FGF12: variants seen among roughly 807,000 people sequenced by gnomAD.
The protein encoded by FGF12 is fibroblast growth factor 12.
FGF12 carries 14 observed loss-of-function variants against 23.6 expected under a neutral mutation model. The ratio of observed to expected loss-of-function variants is 0.59; its 90% CI spans 0.39 to 0.93. FGF12 has a LOEUF of 0.93. Ranked by LOEUF, FGF12 falls within the 40% of genes least tolerant of loss-of-function variation. The pLI, the probability that FGF12 is intolerant of heterozygous loss-of-function variation, is 0.00. For missense variants in FGF12, 175 were observed against 217.8 expected (o/e 0.80, Z 1.24); for synonymous variants, 62 against 77.3 (o/e 0.80, Z 1.04).
chr3:192,270,817 AAAGAAG>A (rs1713388311), intron 4 of FGF12, among the ~76,000 whole-genome samples: 1 of 149,866 alleles, frequency 6.7e-6, no homozygotes, highest in Non-Finnish European at 1.5e-5. Flanking sequence ...GGAAGGAAGG[AAAGAAG>A]GAAGGAAGGA....
intron 4 of FGF12, among the ~76,000 whole-genome samples, chr3:192,279,251 T>TATAA (rs905410056): frequency 7.2e-6 from 1 of 139,370 alleles, no homozygotes; most frequent in African/African-American, 2.7e-5. Flanking sequence ...TATATATATA[T>TATAA]ATAAAATGTA....
At position 192,413,766 on chromosome 3, in the gene FGF12, C is replaced by T. The variant is rs551082962; in HGVS notation, c.14-53228G>A. Among the ~76,000 whole-genome samples, 4 of 152,344 alleles carry T rather than the reference C, an allele frequency of 2.6e-5. No homozygotes were observed. The South Asian group carries it at 8.3e-4, about 32-fold the overall frequency. ...AAGTCTAGCTCTGCTCATACATCATCTTGCTCTGAGATCAGGCCCCTGACT... is the reference window on the plus strand; with the variant it reads ...AAGTCTAGCTCTGCTCATACATCATTTTGCTCTGAGATCAGGCCCCTGACT... On this transcript the variant is annotated intron_variant, in intron 2 of 5. Coordinates refer to ENST00000445105, the MANE Select transcript of FGF12 (RefSeq NM_004113.6).
intron 5 of FGF12, among the ~76,000 whole-genome samples, chr3:192,167,744 T>C (rs1715259121): frequency 4.2e-5 from 1 of 23,664 alleles, no homozygotes; most frequent in Non-Finnish European, 7.8e-5. Context: ...TATATATATA[T>C]ATATATATAT....
chr3:192,681,424 G>T (rs1439061303), intron 2 of FGF12, among the ~76,000 whole-genome samples: 1 of 152,186 alleles, frequency 6.6e-6, no homozygotes, highest in Admixed American at 6.5e-5. Context: ...GGAGTCAGTA[G>T]AGTTCGAGGT....
intron 2 of FGF12, among the ~76,000 whole-genome samples, chr3:192,503,047 T>C (rs1300739829): frequency 6.6e-6 from 1 of 152,168 alleles, no homozygotes; most frequent in Non-Finnish European, 1.5e-5. Flanking sequence ...GCCTCAGCGG[T>C]TCTGAGTTTT....
intron 3 of FGF12, among the ~76,000 whole-genome samples, chr3:192,344,988 C>T (rs532640742): frequency 4.6e-5 from 7 of 152,276 alleles, no homozygotes; most frequent in Admixed American, 3.3e-4. Context: ...GCACAGGTGA[C>T]GGTCCATAAG....
chr3:192,589,014 G>C (rs1713510583), intron 2 of FGF12, among the ~76,000 whole-genome samples: 1 of 151,980 alleles, frequency 6.6e-6, no homozygotes, highest in South Asian at 2.1e-4. Flanking sequence ...TATCAGCATG[G>C]TCAAGAATTT....
intron 2 of FGF12, among the ~76,000 whole-genome samples, chr3:192,603,521 A>G (rs1714204848): frequency 6.6e-6 from 1 of 152,104 alleles, no homozygotes; most frequent in South Asian, 2.1e-4. Flanking sequence ...ATTTTCCATA[A>G]GTGTTGGCCG....
intron 2 of FGF12, among the ~76,000 whole-genome samples, chr3:192,504,559 CG>C (rs1436393236): frequency 6.6e-6 from 1 of 151,986 alleles, no homozygotes; most frequent in African/African-American, 2.4e-5. Context: ...TTGGTGAGAT[CG>C]GGGGGAAATT....
chr3:192,443,699 T>C (rs1317862495), intron 2 of FGF12, among the ~76,000 whole-genome samples: 1 of 152,210 alleles, frequency 6.6e-6, no homozygotes, highest in Non-Finnish European at 1.5e-5. Context: ...AATTTAAAGA[T>C]GATTTCCAGC....
At chr3:192,495,844 T>G (rs1162344227) in intron 2 of FGF12, among the ~76,000 whole-genome samples, 2 of 151,986 alleles carry the variant, frequency 1.3e-5, no homozygotes, top group Non-Finnish European at 2.9e-5. Context: ...TATATATATA[T>G]TTATATACAG....
chr3:192,594,520 T>C (rs1345738340), intron 2 of FGF12, among the ~76,000 whole-genome samples: 1 of 151,774 alleles, frequency 6.6e-6, no homozygotes, highest in African/African-American at 2.4e-5. Flanking sequence ...GCTGCTATGG[T>C]TTGGATATGT....
In FGF12 at chr3:192,514,649, G is replaced by A. The variant is rs1213863807; in HGVS notation, c.14-154111C>T. The stretch of plus-strand genomic sequence containing the variant: ...CATTCTGCAGTGTTTGGGGGCTGGG[G>A]AAAGAACATTTTCTCACCACTTGGG... On this transcript the variant is annotated intron_variant, in intron 2 of 5. Transcript: ENST00000445105. This position sits in a 1 kb window ranked among gnomAD's most constrained non-coding sequence, Gnocchi z 4.9. The A allele has an allele frequency of 1.0e-6, 1 of 977,570 alleles. No homozygotes were observed. Among genetic ancestry groups the A allele is most frequent in the Non-Finnish European group, 1.2e-6 (1 of 822,844 alleles). 60.6% of individuals were successfully genotyped at this position (977,570 alleles called of 1,614,324 possible). A position where few individuals can be genotyped will look rare whatever the true frequency, so the allele number is the denominator to read the frequency against.
intron 2 of FGF12, among the ~76,000 whole-genome samples, chr3:192,534,531 G>T (rs1725179841): frequency 1.3e-5 from 2 of 152,030 alleles, no homozygotes; most frequent in Non-Finnish European, 2.9e-5. Flanking sequence ...AAGTAGATGG[G>T]ACTATAGGTG....
At chr3:192,435,033 A>G (rs1236509043) in intron 2 of FGF12, among the ~76,000 whole-genome samples, 1 of 152,096 alleles carries the variant, frequency 6.6e-6, no homozygotes, top group Non-Finnish European at 1.5e-5. Context: ...CAATTATTCC[A>G]TCTTTGACAC....
chr3:192,482,122 G>T (rs1024093846), intron 2 of FGF12, among the ~76,000 whole-genome samples: 24 of 152,096 alleles, frequency 1.6e-4, no homozygotes, highest in African/African-American at 5.8e-4. Flanking sequence ...TCATTATTGG[G>T]ATCACTATGA....
chr3:192,281,004 G>T (rs982074656), intron 4 of FGF12, among the ~76,000 whole-genome samples: 1 of 152,114 alleles, frequency 6.6e-6, no homozygotes, highest in African/African-American at 2.4e-5. Context: ...TACACTGAAT[G>T]ATGGGGCCTC....
At chr3:192,253,460 G>T (rs1003728316) in intron 4 of FGF12, among the ~76,000 whole-genome samples, 2 of 151,540 alleles carry the variant, frequency 1.3e-5, no homozygotes, top group Non-Finnish European at 2.9e-5. Flanking sequence ...AAGTAAGAAA[G>T]AATGAAAAAA....
At position 192,286,666 on chromosome 3, in the gene FGF12, T is replaced by A. The variant is rs1577320526; in HGVS notation, c.228+48695A>T. Among the ~76,000 whole-genome samples, 3 of 152,102 alleles carry A rather than the reference T, an allele frequency of 2.0e-5. No individual in the cohort carries two copies. In the East Asian group the frequency reaches 5.8e-4, roughly 29 times the overall value. The stretch of plus-strand genomic sequence containing the variant: ...ACTGAATGAAAAAGAAATCCTTTTA[T>A]CTATTGTGTTAATTAATATTCACAA... On this transcript the variant is annotated intron_variant, in intron 4 of 5. Transcript: ENST00000445105.
Sources: gnomAD v4.1 joint callset for allele counts (sites outside exome capture counted in the v4.1 genomes callset) on GRCh38, gnomAD v4.1.1 for gene constraint, Gnocchi (gnomAD v3.1) non-coding constraint, MANE v1.5 for transcripts, NCBI Gene and HGNC (gene_info 2026-07-23, HGNC 2026-07-21) for gene names.